C17orf67: variants seen among roughly 807,000 people sequenced by gnomAD.
C17orf67 encodes uncharacterized protein C17orf67.
A neutral mutation model predicts 11.2 loss-of-function variants in C17orf67; 12 were observed. The observed-to-expected ratio is 1.07, with a 90% CI of 0.68 to 1.73. The LOEUF is 1.73. Ranked by LOEUF, C17orf67 falls within the 40% of genes most tolerant of loss-of-function variation. The pLI is 0.00. For missense variants in C17orf67, 115 were observed against 113.5 expected (o/e 1.01, Z -0.06); for synonymous variants, 59 against 46.9 (o/e 1.26, Z -1.05).
chr17:56,802,180 ATTAAT>A (rs1905339191), intron 6 of C17orf67, among the ~76,000 whole-genome samples: 1 of 152,136 alleles, frequency 6.6e-6, no homozygotes, highest in South Asian at 2.1e-4. Context: ...TGGGACCCAG[ATTAAT>A]TGTCGCCGTA....
At chr17:56,800,901 C>G (rs924604533) in intron 6 of C17orf67, among the ~76,000 whole-genome samples, 2 of 152,162 alleles carry the variant, frequency 1.3e-5, no homozygotes, top group African/African-American at 4.8e-5. Context: ...TTGGATGTTC[C>G]AGCTGGGTGT....
intron 7 of C17orf67, among the ~76,000 whole-genome samples, chr17:56,794,007 G>T (rs182934254): frequency 6.6e-6 from 1 of 152,270 alleles, no homozygotes; most frequent in East Asian, 1.9e-4. Flanking sequence ...ACACACACAG[G>T]ACTGTGCAAC....
At position 56,833,664 on chromosome 17, in the gene C17orf67, C is replaced by G. The variant is rs1398266337; in HGVS notation, c.-1048G>C. On this transcript the variant is annotated 5_prime_UTR_variant, in exon 1 of 8. Transcript: ENST00000397861. ...CGGGCGGTGCCGCGCAGGCCGCCTC[C>G]CCCCCTCGCTTCCCAGTCGGCTTAC... 4.0e-5 allele frequency: 6 copies of G among 151,868 alleles called. No individual in the cohort carries two copies. Among genetic ancestry groups the G allele is most frequent in the South Asian group, 4.1e-4 (2 of 4,836 alleles). 9.4% of individuals were successfully genotyped at this position (151,868 alleles called of 1,614,324 possible). A position where few individuals can be genotyped will look rare whatever the true frequency, so the allele number is the denominator to read the frequency against.
chr17:56,820,963 G>A (rs1905889707), intron 4 of C17orf67, among the ~76,000 whole-genome samples: 1 of 152,084 alleles, frequency 6.6e-6, no homozygotes, highest in South Asian at 2.1e-4. Context: ...AGGCTGGAGT[G>A]CAGTGGCACA....
At chr17:56,832,641 G>T (rs921960350) in intron 2 of C17orf67, among the ~76,000 whole-genome samples, 1 of 152,110 alleles carries the variant, frequency 6.6e-6, no homozygotes, top group African/African-American at 2.4e-5. Flanking sequence ...CCCTTCACAA[G>T]TTTCACTTTC....
At chr17:56,817,283 C>A (rs529683335) in intron 4 of C17orf67, among the ~76,000 whole-genome samples, 1 of 152,090 alleles carries the variant, frequency 6.6e-6, no homozygotes, top group Admixed American at 6.5e-5. Context: ...GAAAACAATA[C>A]CCTATGTGTA....
chr17:56,797,824 T>C (rs1223314042), intron 6 of C17orf67, among the ~76,000 whole-genome samples: 1 of 152,172 alleles, frequency 6.6e-6, no homozygotes, highest in African/African-American at 2.4e-5. Context: ...GCCTTGGTCT[T>C]CCCCGAAGCC....
At chr17:56,810,895 G>T (rs1365125093) in intron 6 of C17orf67, among the ~76,000 whole-genome samples, 1 of 152,236 alleles carries the variant, frequency 6.6e-6, no homozygotes, top group Non-Finnish European at 1.5e-5. Context: ...CCACTGACTG[G>T]CATTATTAAT....
chr17:56,823,540 A>G (rs1905955752), intron 4 of C17orf67, among the ~76,000 whole-genome samples: 1 of 152,234 alleles, frequency 6.6e-6, no homozygotes, highest in Admixed American at 6.5e-5. Context: ...ATGTTCAGAA[A>G]ACAAATTAAC....
intron 6 of C17orf67, among the ~76,000 whole-genome samples, chr17:56,803,606 G>A (rs1905376957): frequency 6.6e-6 from 1 of 151,984 alleles, no homozygotes; most frequent in African/African-American, 2.4e-5. Context: ...ATGTATAAAG[G>A]AGCAAATGAA....
intron 2 of C17orf67, 90 bp downstream of exon 2, chr17:56,832,808 G>A (rs1372034886): frequency 2.0e-5 from 3 of 152,142 alleles, no homozygotes; most frequent in Non-Finnish European, 4.4e-5. Context: ...TTTTACTAGT[G>A]TCTAGCTTTA....
Position 56,833,115 on chromosome 17 carries a change from T to C in C17orf67, c.-774A>G, listed in dbSNP as rs1436178894. On this transcript the variant is annotated 5_prime_UTR_variant, in exon 2 of 8. Transcript: ENST00000397861. ...GGTCCTCGGCTCCCACTCCTATGTA[T>C]GTATGTAGTAGGAAGGAAGCCGCTG... 1 of 152,266 alleles carries C rather than the reference T, an allele frequency of 6.6e-6. No individual in the cohort carries two copies. The highest frequency in any genetic ancestry group is 1.5e-5 in the Non-Finnish European group (1 of 68,090). The allele number at this position is 152,266 out of a possible 1,614,324, so 9.4% of individuals were successfully genotyped here.
intron 5 of C17orf67, 122 bp from the exon 6 acceptor site, chr17:56,815,091 G>A (rs1038863957): frequency 3.8e-5 from 31 of 809,632 alleles, no homozygotes; most frequent in Admixed American, 1.3e-4. Context: ...GTTCTTTCCC[G>A]GGGACCTGTC....
chr17:56,796,733 C>T (rs920875251), intron 6 of C17orf67, among the ~76,000 whole-genome samples: 12 of 152,108 alleles, frequency 7.9e-5, no homozygotes, highest in Admixed American at 2.6e-4. Flanking sequence ...TAGGTCAGGT[C>T]TTCACCATTG....
At chr17:56,797,570 G>A (rs886164414) in intron 6 of C17orf67, among the ~76,000 whole-genome samples, 22 of 152,130 alleles carry the variant, frequency 1.4e-4, no homozygotes, top group African/African-American at 2.2e-4. Flanking sequence ...GAAAAACCGC[G>A]TCCATACCAG....
chr17:56,800,024 CCCTCTTGATT>C (rs1171841117), intron 6 of C17orf67, among the ~76,000 whole-genome samples: 6 of 145,526 alleles, frequency 4.1e-5, no homozygotes, highest in Non-Finnish European at 7.5e-5. Context: ...GTTGAAAAAT[CCCTCTTGATT>C]TTTCTGTATC....
chr17:56,817,842 A>G (rs1156527243), intron 4 of C17orf67, among the ~76,000 whole-genome samples: 2 of 130,124 alleles, frequency 1.5e-5, no homozygotes, highest in Non-Finnish European at 3.2e-5. Flanking sequence ...TCAATAACTA[A>G]GGAATTTTAG....
intron 2 of C17orf67, among the ~76,000 whole-genome samples, chr17:56,827,228 A>G (rs1210832655): frequency 6.6e-6 from 1 of 152,250 alleles, no homozygotes; most frequent in Non-Finnish European, 1.5e-5. Context: ...CATACTGTAA[A>G]TCATTCCTAC....
intron 4 of C17orf67, among the ~76,000 whole-genome samples, chr17:56,817,481 G>C (rs1418078924): frequency 2.0e-5 from 3 of 151,804 alleles, no homozygotes; most frequent in Non-Finnish European, 2.9e-5. Context: ...TTTTGAGACA[G>C]GGTCTCATTC....
Sources: gnomAD v4.1 joint callset for allele counts (sites outside exome capture counted in the v4.1 genomes callset) on GRCh38, gnomAD v4.1.1 for gene constraint, MANE v1.5 for transcripts, NCBI Gene and HGNC (gene_info 2026-07-23, HGNC 2026-07-21) for gene names.